The following CCDC42 variants were observed in gnomAD, a reference collection of about 807,000 sequenced individuals.
The protein encoded by CCDC42 is coiled-coil domain containing 42.
CCDC42 carries 38 observed loss-of-function variants against 40.8 expected under a neutral mutation model. The observed-to-expected ratio is 0.93, with a 90% CI of 0.72 to 1.22. The LOEUF is 1.22. Among genes scored for constraint, CCDC42 ranks in the 50% most tolerant of loss-of-function variants. The pLI is 0.00. For synonymous variants in CCDC42, 135 were observed against 157.5 expected, an observed-to-expected ratio of 0.86 and a Z score of 1.07; for missense variants, 379 against 416.5, an observed-to-expected ratio of 0.91 and a Z score of 0.78.
intron 3 of CCDC42, among the ~76,000 whole-genome samples, chr17:8,742,744 T>C (rs965977504): frequency 6.6e-6 from 1 of 152,174 alleles, no homozygotes; most frequent in African/African-American, 2.4e-5. Flanking sequence ...TTTTTAAAAA[T>C]ATACAAGCCT....
At chr17:8,741,446 G>T (rs766112130) in intron 4 of CCDC42, 28 bp downstream of exon 4, 1 of 1,608,112 alleles carries the variant, frequency 6.2e-7, no homozygotes, top group Non-Finnish European at 8.5e-7. Flanking sequence ...AAGGTGCCAG[G>T]GCCGGCCCCC....
intron 4 of CCDC42, among the ~76,000 whole-genome samples, chr17:8,739,616 C>T (rs1436614053): frequency 6.6e-6 from 1 of 152,206 alleles, no homozygotes; most frequent in South Asian, 2.1e-4. Context: ...AACCTCGGCT[C>T]ACTGCAACCT....
intron 6 of CCDC42, among the ~76,000 whole-genome samples, chr17:8,731,017 C>G (rs2086577302): frequency 6.6e-6 from 1 of 152,284 alleles, no homozygotes; most frequent in Middle Eastern, 3.4e-3. Context: ...GTAAAGAGCA[C>G]GCAGTCAGCA....
At chr17:8,738,325 GAATT>G (rs1370894031) in intron 4 of CCDC42, among the ~76,000 whole-genome samples, 1 of 152,154 alleles carries the variant, frequency 6.6e-6, no homozygotes, top group Non-Finnish European at 1.5e-5. Flanking sequence ...ATGTGACTAT[GAATT>G]AATCATTATT....
At chr17:8,742,314 A>G (rs2086650320) in intron 3 of CCDC42, among the ~76,000 whole-genome samples, 1 of 152,190 alleles carries the variant, frequency 6.6e-6, no homozygotes, top group African/African-American at 2.4e-5. Flanking sequence ...AGCTCCAGGA[A>G]GATGAGAGAG....
Position 8,730,211 on chromosome 17 carries a change from G to T in CCDC42, c.874-4C>A. The T allele has an allele frequency of 6.2e-7, 1 of 1,612,898 alleles. No individual in the cohort carries two copies. Among genetic ancestry groups the T allele is most frequent in the Non-Finnish European group, 8.5e-7 (1 of 1,179,274 alleles). On this transcript the variant is annotated splice_region_variant and splice_polypyrimidine_tract_variant and intron_variant, in intron 6 of 6. Coordinates refer to ENST00000293845, the MANE Select transcript of CCDC42 (RefSeq NM_144681.3). ...GGTCTTGGATAAATTGCTGGATCTA[G>T]AAAGGCAAGGAGCCCAGCGTTAACT...
chr17:8,743,997 A>G, intron 2 of CCDC42, 82 bp downstream of exon 2: 1 of 1,088,870 alleles, frequency 9.2e-7, no homozygotes. Flanking sequence ...CAGACAATGG[A>G]GGGCTGTCCA....
In CCDC42 at chr17:8,730,020, C is replaced by T. The variant is rs1461967215; in HGVS notation, c.*110G>A. 2.3e-6 allele frequency: 2 copies of T among 883,664 alleles called. No individual in the cohort carries two copies. Among genetic ancestry groups the T allele is most frequent in the Middle Eastern group, 5.7e-4 (2 of 3,524 alleles). 54.7% of individuals were successfully genotyped at this position (883,664 alleles called of 1,614,324 possible). Reference sequence around the variant, plus strand: ...GGGAAAATAAGCAGGTGTCCCTCAGCAGGAAGGCACAGCAGGCATCGGTCC... The same window carrying T: ...GGGAAAATAAGCAGGTGTCCCTCAGTAGGAAGGCACAGCAGGCATCGGTCC... On this transcript the variant is annotated 3_prime_UTR_variant, in exon 7 of 7. Transcript: ENST00000293845.
At chr17:8,742,068 C>T (rs963886153) in intron 3 of CCDC42, among the ~76,000 whole-genome samples, 1 of 152,050 alleles carries the variant, frequency 6.6e-6, no homozygotes, top group Admixed American at 6.5e-5. Context: ...GAACTCAACC[C>T]GCCGAGAAGA....
At chr17:8,743,938 CAA>C (rs2086661259) in intron 2 of CCDC42, 139 bp downstream of exon 2, 1 of 680,650 alleles carries the variant, frequency 1.5e-6, no homozygotes. Flanking sequence ...CTGTTCTCCC[CAA>C]AGAGACCAGA....
At chr17:8,733,211 T>A (rs1873522199) in intron 6 of CCDC42, among the ~76,000 whole-genome samples, 1 of 152,230 alleles carries the variant, frequency 6.6e-6, no homozygotes, top group Non-Finnish European at 1.5e-5. Context: ...GGGCAGTCTG[T>A]ATTTCTCTCC....
chr17:8,738,783 G>A (rs1451120869), intron 4 of CCDC42, among the ~76,000 whole-genome samples: 6 of 152,236 alleles, frequency 3.9e-5, no homozygotes, highest in Middle Eastern at 3.4e-3. Flanking sequence ...ATTTTTGAAA[G>A]CAGAATACTC....
Position 8,742,054 on chromosome 17 carries a change from G to A in CCDC42, c.295-383C>T, listed in dbSNP as rs2132929. Among the ~76,000 whole-genome samples, 755 of 152,142 alleles carry A rather than the reference G, an allele frequency of 5.0e-3. 6 individuals carry two copies. Among genetic ancestry groups the A allele is most frequent in the African/African-American group, 0.017 (716 of 41,494 alleles). ...CTACATTGCACTGGGCTCACGGTCT[G>A]GAAGAACTCAACCCGCCGAGAAGAC... On this transcript the variant is annotated intron_variant, in intron 3 of 6. Transcript: ENST00000293845.
At chr17:8,740,699 G>T (rs1211529280) in intron 4 of CCDC42, among the ~76,000 whole-genome samples, 1 of 152,024 alleles carries the variant, frequency 6.6e-6, no homozygotes, top group African/African-American at 2.4e-5. Flanking sequence ...CCCAAGAGGC[G>T]CGGTGGAACC....
intron 3 of CCDC42, among the ~76,000 whole-genome samples, chr17:8,741,989 G>C (rs1176361301): frequency 6.6e-6 from 1 of 152,096 alleles, no homozygotes; most frequent in Non-Finnish European, 1.5e-5. Flanking sequence ...TTTCCTGTGG[G>C]ACTTGGGCTC....
chr17:8,735,142 T>C lies in CCDC42; in HGVS notation c.827A>G (p.Glu276Gly), dbSNP rs1568050879. The C allele has an allele frequency of 1.2e-6, 2 of 1,614,168 alleles. No homozygotes were observed. The highest frequency in any genetic ancestry group is 4.5e-5 in the East Asian group (2 of 44,870). ...LFQIVSKHLK[E>G]VTEVALEDTH... ...GTCCTCCAGTGCCACCTCAGTCACCTCCTTCAGGTGCTTGCTCACGATCTG... is the reference window on the plus strand; with the variant it reads ...GTCCTCCAGTGCCACCTCAGTCACCCCCTTCAGGTGCTTGCTCACGATCTG... Residue 276 changes from glutamate to glycine, a missense_variant, in exon 6 of 7, where the codon GAG becomes GGG. Transcript: ENST00000293845. This position sits in a 1 kb window ranked among gnomAD's most constrained non-coding sequence, Gnocchi z 4.7.
intron 3 of CCDC42, among the ~76,000 whole-genome samples, chr17:8,742,811 G>T (rs1227053542): frequency 6.6e-6 from 1 of 152,242 alleles, no homozygotes; most frequent in African/African-American, 2.4e-5. Flanking sequence ...GTCTGTATTT[G>T]TAGCAAACTC....
At chr17:8,736,553 C>T (rs2086612442) in intron 4 of CCDC42, among the ~76,000 whole-genome samples, 1 of 152,214 alleles carries the variant, frequency 6.6e-6, no homozygotes, top group Non-Finnish European at 1.5e-5. Flanking sequence ...TTTCAGCCGC[C>T]CAGGGGAAAC....
At position 8,734,618 on chromosome 17, in the gene CCDC42, A is replaced by G. The variant is rs1173516504; in HGVS notation, c.873+478T>C. The stretch of plus-strand genomic sequence containing the variant: ...GTGATCCACCCACCTAGGCCTCCCA[A>G]AGTGCTGGGATTACAGGCATGAGCC... On this transcript the variant is annotated intron_variant, in intron 6 of 6. Transcript: ENST00000293845. Among the ~76,000 whole-genome samples, 30 of 151,988 alleles carry G rather than the reference A, an allele frequency of 2.0e-4. 1 individual carries two copies. Among genetic ancestry groups the G allele is most frequent in the Admixed American group, 2.0e-3 (30 of 15,252 alleles).
Sources: gnomAD v4.1 joint callset for allele counts (sites outside exome capture counted in the v4.1 genomes callset) on GRCh38, gnomAD v4.1.1 for gene constraint, Gnocchi (gnomAD v3.1) non-coding constraint, MANE v1.5 for transcripts, NCBI Gene and HGNC (gene_info 2026-07-23, HGNC 2026-07-21) for gene names.